CYFIP1: variants seen among roughly 807,000 people sequenced by gnomAD.
CYFIP1 encodes cytoplasmic FMR1-interacting protein 1.
Under a neutral mutation model 163.5 loss-of-function variants are expected in CYFIP1, and 58 were observed. The ratio of observed to expected loss-of-function variants is 0.35; its 90% CI spans 0.29 to 0.44. The LOEUF is 0.44. CYFIP1 is among the 20% of genes least tolerant of loss of function. The probability of loss-of-function intolerance (pLI) is 1.00; values close to 1 mark genes in which losing one functional copy is unlikely to be tolerated. For synonymous variants in CYFIP1, 663 were observed against 660.7 expected (o/e 1.00, Z -0.05); for missense variants, 1,338 against 1,653.8 (o/e 0.81, Z 3.31).
At chr15:22,949,481 G>A (rs531563190) in intron 1 of CYFIP1, among the ~76,000 whole-genome samples, 4 of 152,156 alleles carry the variant, frequency 2.6e-5, no homozygotes, top group African/African-American at 7.2e-5. Flanking sequence ...CATGGGCTAC[G>A]AACCACAAAG....
intron 24 of CYFIP1, among the ~76,000 whole-genome samples, chr15:22,882,315 G>A (rs1293790224): frequency 1.3e-5 from 2 of 152,172 alleles, no homozygotes; most frequent in Non-Finnish European, 2.9e-5. Flanking sequence ...GCTCAGCTGT[G>A]GTGAGGTCAG....
chr15:22,903,657 G>A (rs2142013296), intron 22 of CYFIP1, 49 bp downstream of exon 22: 1 of 1,593,008 alleles, frequency 6.3e-7, no homozygotes. Context: ...CGGGGACATG[G>A]GTCCCTGAGC....
intron 8 of CYFIP1, 104 bp downstream of exon 8, chr15:22,939,088 A>C (rs2061810179): frequency 1.8e-5 from 26 of 1,436,866 alleles, no homozygotes; most frequent in Non-Finnish European, 2.5e-5. Flanking sequence ...ACAGCATGCA[A>C]ATAAGACACA....
intron 17 of CYFIP1, 118 bp downstream of exon 17, chr15:22,914,608 G>A: frequency 9.1e-7 from 1 of 1,098,918 alleles, no homozygotes; most frequent in Non-Finnish European, 1.2e-6. Flanking sequence ...TTTTGCCCAG[G>A]CCCAGAAACT....
chr15:22,891,902 G>A (rs1318735536), intron 23 of CYFIP1, among the ~76,000 whole-genome samples: 1 of 152,258 alleles, frequency 6.6e-6, no homozygotes, highest in East Asian at 1.9e-4. Flanking sequence ...GGCAGCGTGT[G>A]AGCGGCAGGG....
At position 22,867,335 on chromosome 15, in the gene CYFIP1, A is replaced by C. The variant is rs2059168361; in HGVS notation, c.*2693T>G. The stretch of plus-strand genomic sequence containing the variant: ...GATGATGATTGGTTTTATTTTTGAA[A>C]TATTTATTAAGGGAAAACTAAGTTA... On this transcript the variant is annotated 3_prime_UTR_variant, in exon 31 of 31. Transcript: ENST00000617928. 2.5e-6 allele frequency: 1 copy of C among 396,522 alleles called. No homozygotes were observed. The highest frequency in any genetic ancestry group is 1.3e-4 in the South Asian group (1 of 7,604). 24.6% of individuals were successfully genotyped at this position (396,522 alleles called of 1,614,324 possible). A position where few individuals can be genotyped will look rare whatever the true frequency, so the allele number is the denominator to read the frequency against.
intron 23 of CYFIP1, among the ~76,000 whole-genome samples, chr15:22,891,809 A>G (rs1169496700): frequency 6.6e-6 from 1 of 152,200 alleles, no homozygotes; most frequent in Non-Finnish European, 1.5e-5. Context: ...GCTCTGAAGA[A>G]CAGAGGGTTA....
chr15:22,869,295 A>G lies in CYFIP1; in HGVS notation c.*733T>C, dbSNP rs560803252. On this transcript the variant is annotated 3_prime_UTR_variant, in exon 31 of 31. Transcript: ENST00000617928. Reference sequence around the variant, plus strand: ...CTCATTTGCCTGCGGAACCCTAAATATAAAGCTAAACCTGTGCTGAGGTGA... The same window carrying G: ...CTCATTTGCCTGCGGAACCCTAAATGTAAAGCTAAACCTGTGCTGAGGTGA... 5 of 145,970 alleles carry G rather than the reference A, an allele frequency of 3.4e-5. No individual in the cohort carries two copies. The highest frequency in any genetic ancestry group is 8.3e-5 in the African/African-American group (3 of 36,264). The allele number at this position is 145,970 out of a possible 1,614,324, so 9.0% of individuals were successfully genotyped here.
rs750307568 is a variant in CYFIP1, at chr15:22,927,918, G to A, written c.1221C>T (p.His407=). ...GGACGGGGCCTACCACTTCCATCAC[G>A]TGCGCGCTCCACTGCGACAACAGCT... ...GLQLLSQWSA[H]VMEVYSWKLV... is the part of the protein sequence containing the mutation. Residue 407 remains histidine (H), a synonymous_variant, in exon 12 of 31, where the codon CAC becomes CAT. Coordinates refer to ENST00000617928, the MANE Select transcript of CYFIP1 (RefSeq NM_014608.6). The A allele has an allele frequency of 1.1e-5, 18 of 1,605,974 alleles. No individual in the cohort carries two copies. The highest frequency in any genetic ancestry group is 1.7e-4 in the Middle Eastern group (1 of 6,008).
At chr15:22,931,686 G>GAAAAAAA (rs766177290) in intron 11 of CYFIP1, among the ~76,000 whole-genome samples, 926 of 39,684 alleles carry the variant, frequency 0.023, 133 homozygotes, top group African/African-American at 0.082. Flanking sequence ...ATGTTTTTCT[G>GAAAAAAA]AAAAAAAAAA....
chr15:22,969,295 C>A (rs2063009767), intron 1 of CYFIP1, among the ~76,000 whole-genome samples: 1 of 152,122 alleles, frequency 6.6e-6, no homozygotes, highest in African/African-American at 2.4e-5. Flanking sequence ...CATGGAGGGC[C>A]AAGCCACAGC....
intron 23 of CYFIP1, among the ~76,000 whole-genome samples, chr15:22,890,292 T>C (rs1315207455): frequency 9.9e-5 from 14 of 141,460 alleles, no homozygotes; most frequent in Non-Finnish European, 1.7e-4. Context: ...TCCTAGGTGA[T>C]AGAGGAGACT....
Position 22,939,557 on chromosome 15 carries a change from T to TAAA in CYFIP1, c.570-53_570-51dup, listed in dbSNP as rs56068008. ...CCAAAATGCACCAACGTGCCACATTTAAAAAAAAAAAAAAAAAAAAAAAAG... is the reference window on the plus strand; with the variant it reads ...CCAAAATGCACCAACGTGCCACATTTAAAAAAAAAAAAAAAAAAAAAAAAAAAG... On this transcript the variant is annotated intron_variant, in intron 6 of 30. Coordinates refer to ENST00000617928, the MANE Select transcript of CYFIP1 (RefSeq NM_014608.6). 1,306 of 285,498 alleles carry TAAA rather than the reference T, an allele frequency of 4.6e-3. 8 individuals are homozygous for TAAA. Among genetic ancestry groups the TAAA allele is most frequent in the South Asian group, 9.1e-3 (177 of 19,358 alleles). The allele number at this position is 285,498 out of a possible 1,614,324, so 17.7% of individuals were successfully genotyped here.
Position 22,903,914 on chromosome 15 carries a change from C to T in CYFIP1, c.2389-9G>A, listed in dbSNP as rs76396200. The T allele has an allele frequency of 9.9e-6, 16 of 1,613,242 alleles. No individual in the cohort carries two copies. The East Asian group carries it at 3.3e-4, about 34-fold the overall frequency. On this transcript the variant is annotated splice_polypyrimidine_tract_variant and intron_variant, in intron 21 of 30. Transcript: ENST00000617928. ...AACAGGCCATCCAGCTCCTGTGGCA[C>T]CAAAGACAGGGGTGGGTGACAGAGC...
intron 21 of CYFIP1, among the ~76,000 whole-genome samples, chr15:22,905,673 C>T (rs568560272): frequency 4.2e-4 from 63 of 151,744 alleles, no homozygotes; most frequent in Non-Finnish European, 7.1e-4. Flanking sequence ...CTCCTGACCT[C>T]GTGATCCATC....
At chr15:22,944,716 G>T in intron 4 of CYFIP1, 57 bp from the exon 5 acceptor site, 1 of 1,543,584 alleles carries the variant, frequency 6.5e-7, no homozygotes. Context: ...AGAAGCAGCC[G>T]CTGGGCTTCT....
In CYFIP1 at chr15:22,909,278, G is replaced by T. The variant is rs1188472002; in HGVS notation, c.2304C>A (p.Ile768=). The T allele has an allele frequency of 6.2e-7, 1 of 1,614,198 alleles. No homozygotes were observed. The highest frequency in any genetic ancestry group is 1.7e-5 in the Admixed American group (1 of 60,030). The change falls in exon 21 of 31, where the codon ATC becomes ATA. Residue 768 remains isoleucine (I), a synonymous_variant. Transcript: ENST00000617928. ...ACATGGCTGCTGAGACGCGCTGGGT[G>T]ATCAGACGATTGAGGTCTATTGATC... ...LGRSIDLNRL[I]TQRVSAAMYK... is the part of the protein sequence containing the mutation.
At chr15:22,907,207 T>C (rs905087366) in intron 21 of CYFIP1, among the ~76,000 whole-genome samples, 2 of 152,214 alleles carry the variant, frequency 1.3e-5, no homozygotes, top group Non-Finnish European at 2.9e-5. Context: ...CCTGTTCTCA[T>C]CTCAGGCATC....
intron 26 of CYFIP1, among the ~76,000 whole-genome samples, chr15:22,878,109 G>A (rs2059635880): frequency 6.6e-6 from 1 of 152,176 alleles, no homozygotes; most frequent in Non-Finnish European, 1.5e-5. Flanking sequence ...AAACAACATA[G>A]GAAAGGCCTC....
Sources: gnomAD v4.1 joint callset for allele counts (sites outside exome capture counted in the v4.1 genomes callset) on GRCh38, gnomAD v4.1.1 for gene constraint, MANE v1.5 for transcripts, NCBI Gene and HGNC (gene_info 2026-07-23, HGNC 2026-07-21) for gene names.